The following SLFN12L variants were observed in gnomAD, a reference collection of about 807,000 sequenced individuals.
The protein encoded by SLFN12L is schlafen family member 12-like.
Under a neutral mutation model 34.8 loss-of-function variants are expected in SLFN12L, and 34 were observed. The ratio of observed to expected loss-of-function variants is 0.98; its 90% CI spans 0.74 to 1.30. SLFN12L has a LOEUF of 1.30. SLFN12L is among the 50% of genes most tolerant of loss of function. The probability of loss-of-function intolerance (pLI) is 0.00; values close to 1 mark genes in which losing one functional copy is unlikely to be tolerated. For synonymous variants in SLFN12L, 259 were observed against 247.5 expected, an observed-to-expected ratio of 1.05 and a Z score of -0.44; for missense variants, 703 against 696.2, an observed-to-expected ratio of 1.01 and a Z score of -0.11.
intron 2 of SLFN12L, chr17:35,490,186 G>C (rs112684751): frequency 1.1e-5 from 18 of 1,603,436 alleles, no homozygotes; most frequent in African/African-American, 1.1e-4. Flanking sequence ...AGCCACCAGC[G>C]CTGGGACGAG....
rs112997469 is a variant in SLFN12L, at chr17:35,474,692, G to C, written c.*231C>G. On this transcript the variant is annotated 3_prime_UTR_variant, in exon 5 of 5. Coordinates refer to ENST00000628453, the MANE Select transcript of SLFN12L (RefSeq NM_001363830.2). ...CTCCTAGCACTTTGGGAGACCGGGG[G>C]GGGGGGTTGAATCACGAGGTCAGGA... The C allele has an allele frequency of 3.2e-4, 118 of 368,964 alleles. 3 individuals are homozygous for C. Among genetic ancestry groups the C allele is most frequent in the Admixed American group, 1.5e-3 (33 of 21,806 alleles). The allele number at this position is 368,964 out of a possible 1,614,324, so 22.9% of individuals were successfully genotyped here.
At chr17:35,527,132 C>T (rs1339468308) in intron 1 of SLFN12L, among the ~76,000 whole-genome samples, 3 of 152,128 alleles carry the variant, frequency 2.0e-5, no homozygotes, top group Admixed American at 6.6e-5. Context: ...AATTCCTGGA[C>T]GCATAGGCCC....
chr17:35,534,259 G>A (rs1383561446), intron 1 of SLFN12L, among the ~76,000 whole-genome samples: 1 of 152,214 alleles, frequency 6.6e-6, no homozygotes, highest in African/African-American at 2.4e-5. Context: ...CTACTCGGGA[G>A]GCTGAGGCAG....
intron 2 of SLFN12L, chr17:35,491,130 G>T: frequency 1.3e-6 from 1 of 776,320 alleles, no homozygotes; most frequent in Non-Finnish European, 2.3e-6. Context: ...TGAACTTACT[G>T]CCTCCCCTGC....
intron 2 of SLFN12L, among the ~76,000 whole-genome samples, chr17:35,483,771 T>C (rs969128131): frequency 2.0e-5 from 3 of 152,170 alleles, no homozygotes; most frequent in African/African-American, 7.2e-5. Context: ...GTAAAGTCCA[T>C]CATAGGTAGT....
chr17:35,474,702 A>T lies in SLFN12L; in HGVS notation c.*221T>A, dbSNP rs34656640. On this transcript the variant is annotated 3_prime_UTR_variant, in exon 5 of 5. Coordinates refer to ENST00000628453, the MANE Select transcript of SLFN12L (RefSeq NM_001363830.2). Reference sequence around the variant, plus strand: ...TTTGGGAGACCGGGGGGGGGGGTTGAATCACGAGGTCAGGAGTTCAAGACC... The same window carrying T: ...TTTGGGAGACCGGGGGGGGGGGTTGTATCACGAGGTCAGGAGTTCAAGACC... 1 of 355,064 alleles carries T rather than the reference A, an allele frequency of 2.8e-6. No homozygotes were observed. The highest frequency in any genetic ancestry group is 5.1e-6 in the Non-Finnish European group (1 of 195,860). The allele number at this position is 355,064 out of a possible 1,614,324, so 22.0% of individuals were successfully genotyped here. A position where few individuals can be genotyped will look rare whatever the true frequency, so the allele number is the denominator to read the frequency against.
rs771409146 is a variant in SLFN12L at position 35,479,975 on chromosome 17, C to T, written c.307G>A (p.Ala103Thr). The change falls in exon 3 of 5, where the codon GCT (alanine) becomes ACT (threonine). Residue 103 changes from alanine to threonine, a missense_variant. Transcript: ENST00000628453. ...CTATAGCCTTTATTCTCAACTTCAG[C>T]CTTGATCACTCCCCCTCCAGAATTC... ...LLNSGGGVIKAEVENKGYSYK... is the reference protein window; with the variant it reads ...LLNSGGGVIKTEVENKGYSYK... 9.9e-6 allele frequency: 16 copies of T among 1,614,066 alleles called. No homozygotes were observed. The Admixed American group carries it at 2.0e-4, about 20-fold the overall frequency.
At chr17:35,508,034 G>T (rs1915519665) in intron 2 of SLFN12L, among the ~76,000 whole-genome samples, 1 of 152,182 alleles carries the variant, frequency 6.6e-6, no homozygotes, top group African/African-American at 2.4e-5. Context: ...CCTGGGCCTG[G>T]TTAAAGATCA....
intron 2 of SLFN12L, among the ~76,000 whole-genome samples, chr17:35,489,855 C>G (rs374072509): frequency 6.6e-6 from 1 of 152,234 alleles, no homozygotes; most frequent in African/African-American, 2.4e-5. Flanking sequence ...AAACTGTCAT[C>G]TACTTCCGGA....
At chr17:35,537,134 C>T (rs1197019645) in intron 1 of SLFN12L, among the ~76,000 whole-genome samples, 1 of 151,404 alleles carries the variant, frequency 6.6e-6, no homozygotes, top group Admixed American at 6.6e-5. Context: ...GAGTTGTGAT[C>T]GCACCACTGC....
In SLFN12L at chr17:35,473,541, G is replaced by A. The variant is rs1285222523; in HGVS notation, c.*1382C>T. ...GGATAAGCTTTTCTGACATGCCACT[G>A]GATTCGGTTTGCCAGTATTTTATTG... On this transcript the variant is annotated 3_prime_UTR_variant, in exon 5 of 5. Coordinates refer to ENST00000628453, the MANE Select transcript of SLFN12L (RefSeq NM_001363830.2). 3 of 152,194 alleles carry A rather than the reference G, an allele frequency of 2.0e-5. No homozygotes were observed. Among genetic ancestry groups the A allele is most frequent in the Admixed American group, 2.0e-4 (3 of 15,286 alleles). 9.4% of individuals were successfully genotyped at this position (152,194 alleles called of 1,614,324 possible). A position where few individuals can be genotyped will look rare whatever the true frequency, so the allele number is the denominator to read the frequency against.
At chr17:35,506,274 A>G (rs1173882493) in intron 2 of SLFN12L, among the ~76,000 whole-genome samples, 1 of 152,232 alleles carries the variant, frequency 6.6e-6, no homozygotes, top group African/African-American at 2.4e-5. Flanking sequence ...GGTTCTCTTA[A>G]TTAGGAAAGA....
At chr17:35,490,157 A>T (rs1914776298) in intron 2 of SLFN12L, 1 of 1,606,924 alleles carries the variant, frequency 6.2e-7, no homozygotes, top group East Asian at 2.2e-5. Flanking sequence ...GGGACCCTCC[A>T]GCAGAGCCGG....
rs188582197 is a variant in SLFN12L at position 35,481,607 on chromosome 17, C to A, written c.87-1412G>T. ...CCTATCACTGGAGATGGCTCACACTCCTTACCCTGCCCCGTTGTCTTGTAT... is the reference window on the plus strand; with the variant it reads ...CCTATCACTGGAGATGGCTCACACTACTTACCCTGCCCCGTTGTCTTGTAT... On this transcript the variant is annotated intron_variant, in intron 2 of 4. Coordinates refer to ENST00000628453, the MANE Select transcript of SLFN12L (RefSeq NM_001363830.2). Among the ~76,000 whole-genome samples the A allele has an allele frequency of 2.0e-4, 30 of 152,348 alleles. 1 individual carries two copies. The highest frequency in any genetic ancestry group is 6.7e-4 in the African/African-American group (28 of 41,592).
At chr17:35,516,729 A>C (rs950195419) in intron 2 of SLFN12L, among the ~76,000 whole-genome samples, 1 of 152,256 alleles carries the variant, frequency 6.6e-6, no homozygotes, top group Non-Finnish European at 1.5e-5. Context: ...GAGCAGACCT[A>C]TTTTAATGAT....
At position 35,473,480 on chromosome 17, in the gene SLFN12L, C is replaced by G. The variant is rs538290442; in HGVS notation, c.*1443G>C. Among the ~76,000 whole-genome samples, 1 of 152,184 alleles carries G rather than the reference C, an allele frequency of 6.6e-6. No homozygotes were observed. Among genetic ancestry groups the G allele is most frequent in the Non-Finnish European group, 1.5e-5 (1 of 68,044 alleles). The stretch of plus-strand genomic sequence containing the variant: ...ATTGATTTGTGTTTGTTGAATCAGC[C>G]TTGCATCCCAGGGATGAGGCCCACT... On this transcript the variant is annotated 3_prime_UTR_variant, in exon 5 of 5. Transcript: ENST00000628453.
At chr17:35,515,176 T>C (rs1320818133) in intron 2 of SLFN12L, 9 of 614,986 alleles carry the variant, frequency 1.5e-5, no homozygotes, top group Non-Finnish European at 2.5e-5. Context: ...GATGGCTCCG[T>C]TCCGACCCAG....
At chr17:35,476,513 G>GGAAGGAAGGAAGGAAA (rs1567642720) in intron 4 of SLFN12L, among the ~76,000 whole-genome samples, 11 of 128,874 alleles carry the variant, frequency 8.5e-5, no homozygotes, top group Middle Eastern at 4.0e-3. Flanking sequence ...AAGGAAGGAA[G>GGAAGGAAGGAAGGAAA]GAAGGAAAGA....
intron 1 of SLFN12L, among the ~76,000 whole-genome samples, chr17:35,529,171 C>T (rs1329862460): frequency 8.5e-5 from 13 of 152,118 alleles, no homozygotes; most frequent in East Asian, 3.9e-4. Flanking sequence ...GTTAGAATGG[C>T]GATCATTAAA....
Sources: allele counts gnomAD v4.1 joint callset (sites outside exome capture counted in the v4.1 genomes callset), GRCh38; gene constraint gnomAD v4.1.1; transcripts MANE v1.5; gene names NCBI Gene and HGNC (gene_info 2026-07-23, HGNC 2026-07-21).